KLHL2: variants seen among roughly 807,000 people sequenced by gnomAD.
KLHL2 encodes kelch-like protein 2.
KLHL2 carries 15 observed loss-of-function variants against 75.8 expected under a neutral mutation model. The ratio of observed to expected loss-of-function variants is 0.20; its 90% confidence interval spans 0.13 to 0.30. The LOEUF is 0.30. Among genes scored for constraint, KLHL2 ranks in the 10% least tolerant of loss-of-function variants. The pLI is 1.00. For missense variants in KLHL2, 381 were observed against 741.0 expected (o/e 0.51, Z 5.64); for synonymous variants, 214 against 251.9 (o/e 0.85, Z 1.42).
At chr4:165,294,705 T>A (rs191196943) in intron 6 of KLHL2, among the ~76,000 whole-genome samples, 40 of 152,110 alleles carry the variant, frequency 2.6e-4, no homozygotes, top group Non-Finnish European at 5.4e-4. Context: ...TGTGGGAGGT[T>A]CCCTAAATTT....
rs1302735381 is a variant in KLHL2 at position 165,322,704 on chromosome 4, A to G, written c.*644A>G. ...GTACTACATTGTAAAACAGAGTTGT[A>G]TTTTTTGATATTTAACAATGCTTAA... On this transcript the variant is annotated 3_prime_UTR_variant, in exon 15 of 15. Transcript: ENST00000226725. The G allele has an allele frequency of 1.3e-5, 2 of 152,580 alleles. No individual in the cohort carries two copies. 9.5% of individuals were successfully genotyped at this position (152,580 alleles called of 1,614,324 possible).
intron 4 of KLHL2, among the ~76,000 whole-genome samples, chr4:165,261,143 G>A (rs1283784323): frequency 1.3e-5 from 2 of 150,570 alleles, no homozygotes; most frequent in Non-Finnish European, 3.0e-5. Flanking sequence ...TGAATTAAAT[G>A]GCTGTACTAT....
At chr4:165,303,802 G>C (rs562783111) in intron 8 of KLHL2, among the ~76,000 whole-genome samples, 1 of 152,178 alleles carries the variant, frequency 6.6e-6, no homozygotes, top group South Asian at 2.1e-4. Flanking sequence ...ATCTCAAAGC[G>C]ATCCAACCGC....
chr4:165,211,906 A>G (rs2110939527), intron 1 of KLHL2, among the ~76,000 whole-genome samples: 1 of 152,358 alleles, frequency 6.6e-6, no homozygotes, highest in Non-Finnish European at 1.5e-5. Context: ...AGTAACTATT[A>G]GTAAATGTGC....
chr4:165,301,607 A>G (rs1579159643), intron 8 of KLHL2, among the ~76,000 whole-genome samples: 1 of 152,138 alleles, frequency 6.6e-6, no homozygotes. Context: ...TGTCCATCTT[A>G]TTTGGTGTCA....
At chr4:165,282,084 C>T (rs1450414909) in intron 5 of KLHL2, among the ~76,000 whole-genome samples, 1 of 152,030 alleles carries the variant, frequency 6.6e-6, no homozygotes, top group Non-Finnish European at 1.5e-5. Context: ...TTGGTAATAG[C>T]GTTAGAACTA....
At chr4:165,318,080 T>A in intron 14 of KLHL2, 111 bp downstream of exon 14, 3 of 933,778 alleles carry the variant, frequency 3.2e-6, no homozygotes, top group Non-Finnish European at 5.0e-6. Context: ...CAAGGTATAG[T>A]TTATATCTTA....
At chr4:165,320,202 C>T (rs940477564) in intron 14 of KLHL2, among the ~76,000 whole-genome samples, 1 of 152,170 alleles carries the variant, frequency 6.6e-6, no homozygotes, top group Admixed American at 6.5e-5. Flanking sequence ...GAATTTAAGG[C>T]AGAAAGGGAT....
chr4:165,308,445 A>C (rs557177855), intron 9 of KLHL2, among the ~76,000 whole-genome samples: 1 of 152,304 alleles, frequency 6.6e-6, no homozygotes, highest in East Asian at 1.9e-4. Flanking sequence ...AATGTCCTTA[A>C]CTGTGTAAAC....
chr4:165,267,221 A>G (rs982411248), intron 5 of KLHL2, among the ~76,000 whole-genome samples: 16 of 152,160 alleles, frequency 1.1e-4, no homozygotes, highest in African/African-American at 3.4e-4. Context: ...GGCTGAGACA[A>G]TGGGGTTTCT....
intron 2 of KLHL2, among the ~76,000 whole-genome samples, chr4:165,220,750 A>G (rs111477343): frequency 2.0e-5 from 3 of 152,204 alleles, no homozygotes; most frequent in Non-Finnish European, 2.9e-5. Flanking sequence ...AAATGTAACC[A>G]TTGTTTTGTG....
chr4:165,272,498 T>C (rs1742774708), intron 5 of KLHL2, among the ~76,000 whole-genome samples: 1 of 152,250 alleles, frequency 6.6e-6, no homozygotes. Flanking sequence ...TATTTTTTGC[T>C]GCATGAAACA....
chr4:165,227,743 T>C (rs1427150121), intron 2 of KLHL2, among the ~76,000 whole-genome samples: 1 of 152,238 alleles, frequency 6.6e-6, no homozygotes, highest in Non-Finnish European at 1.5e-5. Flanking sequence ...AAAAATATTC[T>C]GTGACATTAT....
chr4:165,309,830 A>G (rs1210705415), intron 9 of KLHL2, among the ~76,000 whole-genome samples: 1 of 152,208 alleles, frequency 6.6e-6, no homozygotes, highest in African/African-American at 2.4e-5. Context: ...CTAACATGAT[A>G]AACTAGGAAT....
intron 4 of KLHL2, among the ~76,000 whole-genome samples, chr4:165,254,955 G>T (rs375787018): frequency 7.3e-6 from 1 of 137,898 alleles, no homozygotes; most frequent in Non-Finnish European, 1.6e-5. Context: ...GAAAAAAAGC[G>T]CTGAGTCAGA....
At chr4:165,221,125 A>G (rs1253688151) in intron 2 of KLHL2, among the ~76,000 whole-genome samples, 1 of 152,240 alleles carries the variant, frequency 6.6e-6, no homozygotes, top group African/African-American at 2.4e-5. Flanking sequence ...TAGGGATTCA[A>G]TAAATATTTA....
rs542784699 is a variant in KLHL2, at chr4:165,242,697, A to T, written c.381+3798A>T. Among the ~76,000 whole-genome samples, 10 of 152,198 alleles carry T rather than the reference A, an allele frequency of 6.6e-5. No homozygotes were observed. The South Asian group carries it at 2.1e-3, about 32-fold the overall frequency. ...TTTTTAGTAGAGATGGGGTTTCACC[A>T]TGTTGGCCAGGCTGGTCTTGAACTT... is the stretch of plus-strand genomic sequence containing the variant. On this transcript the variant is annotated intron_variant, in intron 4 of 14. Transcript: ENST00000226725.
At chr4:165,303,494 G>GCCGCCCCCC (rs1745489500) in intron 8 of KLHL2, among the ~76,000 whole-genome samples, 1 of 113,294 alleles carries the variant, frequency 8.8e-6, no homozygotes, top group Non-Finnish European at 2.2e-5. Flanking sequence ...TTACAACCTT[G>GCCGCCCCCC]CCCCCCCCGC....
chr4:165,266,926 A>G (rs1422702509), intron 5 of KLHL2, among the ~76,000 whole-genome samples: 1 of 151,994 alleles, frequency 6.6e-6, no homozygotes, highest in African/African-American at 2.4e-5. Context: ...GGCCATTTTC[A>G]AGATATTGAT....
Sources: allele counts gnomAD v4.1 joint callset (sites outside exome capture counted in the v4.1 genomes callset), GRCh38; gene constraint gnomAD v4.1.1; transcripts MANE v1.5; gene names NCBI Gene and HGNC (gene_info 2026-07-23, HGNC 2026-07-21).